The following IQCJ variants were observed in gnomAD, a reference collection of about 807,000 sequenced individuals.
IQCJ encodes IQ domain-containing protein J.
Under a neutral mutation model 11.0 loss-of-function variants are expected in IQCJ, and 9 were observed. The observed-to-expected ratio is 0.82, with a 90% confidence interval of 0.49 to 1.43. The LOEUF is 1.43. IQCJ is among the 40% of genes most tolerant of loss of function. The pLI is 0.00. For synonymous variants in IQCJ, 55 were observed against 51.3 expected (o/e 1.07, Z -0.31); for missense variants, 146 against 133.2 (o/e 1.10, Z -0.47).
At chr3:159,163,539 A>AT (rs1317726703) in intron 1 of IQCJ, among the ~76,000 whole-genome samples, 10 of 152,082 alleles carry the variant, frequency 6.6e-5, no homozygotes, top group Non-Finnish European at 1.0e-4. Context: ...TAATTTTTGT[A>AT]TTTTTAGTAG....
intron 1 of IQCJ, among the ~76,000 whole-genome samples, chr3:159,086,495 A>C (rs1023225083): frequency 6.6e-6 from 1 of 152,174 alleles, no homozygotes; most frequent in African/African-American, 2.4e-5. Flanking sequence ...TGAATGTGTA[A>C]ATTACCTTGG....
chr3:159,107,615 T>A (rs1421436560), intron 1 of IQCJ, among the ~76,000 whole-genome samples: 1 of 152,186 alleles, frequency 6.6e-6, no homozygotes, highest in Admixed American at 6.5e-5. Context: ...ATACTATTAA[T>A]AATAATTTAT....
intron 1 of IQCJ, among the ~76,000 whole-genome samples, chr3:159,238,786 G>A (rs1484392080): frequency 6.6e-6 from 1 of 152,148 alleles, no homozygotes; most frequent in Non-Finnish European, 1.5e-5. Context: ...TGTCCAGTGG[G>A]CACGTGAGTT....
chr3:159,224,740 C>T (rs1052298189), intron 1 of IQCJ, among the ~76,000 whole-genome samples: 1 of 83,516 alleles, frequency 1.2e-5, no homozygotes, highest in South Asian at 3.7e-4. Flanking sequence ...TGAGCATACA[C>T]TCAGTAAAAT....
chr3:159,242,905 A>G (rs971469920), intron 1 of IQCJ, among the ~76,000 whole-genome samples: 6 of 152,196 alleles, frequency 3.9e-5, no homozygotes, highest in Non-Finnish European at 5.9e-5. Context: ...CAACACATAC[A>G]TCTGACAAAA....
chr3:159,092,560 T>C (rs1008443256), intron 1 of IQCJ, among the ~76,000 whole-genome samples: 2 of 151,558 alleles, frequency 1.3e-5, no homozygotes, highest in African/African-American at 4.9e-5. Context: ...TAGCCAGGCG[T>C]GGTGACAGGC....
intron 1 of IQCJ, among the ~76,000 whole-genome samples, chr3:159,073,291 G>A (rs1487193100): frequency 6.6e-6 from 1 of 152,086 alleles, no homozygotes. Flanking sequence ...TGCACTTCTT[G>A]CAGCTGAATA....
At chr3:159,084,249 T>TAA (rs3029980) in intron 1 of IQCJ, among the ~76,000 whole-genome samples, 55,149 of 149,496 alleles carry the variant, frequency 0.37, 10,812 homozygotes, top group Non-Finnish European at 0.46. Context: ...TAAAAATAAG[T>TAA]AAAAAAAAAA....
At chr3:159,265,906 G>T (rs1413567503), downstream of IQCJ, 2 of 152,954 alleles carry the variant, frequency 1.3e-5, no homozygotes, top group Non-Finnish European at 2.9e-5. Context: ...CCTGTGTGGA[G>T]CTGATAATGA....
intron 1 of IQCJ, among the ~76,000 whole-genome samples, chr3:159,238,050 G>A (rs1041603393): frequency 6.6e-6 from 1 of 152,130 alleles, no homozygotes; most frequent in Non-Finnish European, 1.5e-5. Context: ...AGCATCTGGG[G>A]TTATCAATAG....
chr3:159,080,283 G>A (rs752497964), intron 1 of IQCJ, among the ~76,000 whole-genome samples: 13 of 152,034 alleles, frequency 8.6e-5, no homozygotes, highest in Non-Finnish European at 1.2e-4. Flanking sequence ...ACACTTCCCT[G>A]GAACCCATTA....
intron 1 of IQCJ, among the ~76,000 whole-genome samples, chr3:159,210,340 G>A (rs924025269): frequency 2.0e-5 from 3 of 152,192 alleles, no homozygotes; most frequent in African/African-American, 7.2e-5. Context: ...CTACTGCTGA[G>A]TTTTAATACT....
intron 1 of IQCJ, among the ~76,000 whole-genome samples, chr3:159,128,266 C>T (rs920382047): frequency 3.3e-5 from 5 of 152,042 alleles, no homozygotes; most frequent in East Asian, 1.9e-4. Flanking sequence ...ATTTCAAGTA[C>T]GTTCTAGGGC....
In IQCJ at chr3:159,262,922, G is replaced by A; in HGVS notation, c.*191G>A. On this transcript the variant is annotated 3_prime_UTR_variant, in exon 4 of 4. Coordinates refer to ENST00000397832, the MANE Select transcript of IQCJ (RefSeq NM_001042706.3). The stretch of plus-strand genomic sequence containing the variant: ...TGGAGAAAATAGATTGCATTTATGT[G>A]TTCTCATTTCTCTATTATGGAGGTA... The A allele has an allele frequency of 1.5e-6, 2 of 1,351,962 alleles. No homozygotes were observed. Among genetic ancestry groups the A allele is most frequent in the South Asian group, 2.2e-5 (1 of 46,432 alleles). 83.7% of individuals were successfully genotyped at this position (1,351,962 alleles called of 1,614,324 possible).
chr3:159,251,649 C>G (rs1247263546), intron 2 of IQCJ, among the ~76,000 whole-genome samples: 1 of 151,914 alleles, frequency 6.6e-6, no homozygotes, highest in Non-Finnish European at 1.5e-5. Context: ...CCTACCTTAC[C>G]ACATGCACAA....
At chr3:159,250,952 T>C (rs1727561203) in intron 2 of IQCJ, among the ~76,000 whole-genome samples, 1 of 152,248 alleles carries the variant, frequency 6.6e-6, no homozygotes, top group Admixed American at 6.5e-5. Flanking sequence ...TCTAGTGTTT[T>C]CACCATTTTA....
At chr3:159,119,708 TA>T in intron 1 of IQCJ, among the ~76,000 whole-genome samples, 1 of 152,324 alleles carries the variant, frequency 6.6e-6, no homozygotes, top group Non-Finnish European at 1.5e-5. Flanking sequence ...GTGTGATTTT[TA>T]AAAAATAAGC....
intron 1 of IQCJ, among the ~76,000 whole-genome samples, chr3:159,157,156 G>A (rs1279875786): frequency 2.0e-5 from 3 of 152,158 alleles, no homozygotes; most frequent in Non-Finnish European, 4.4e-5. Context: ...TGGAGAGGAG[G>A]AGGAGACTGA....
intron 1 of IQCJ, among the ~76,000 whole-genome samples, chr3:159,139,149 T>C (rs1334312850): frequency 6.6e-6 from 1 of 152,196 alleles, no homozygotes; most frequent in Non-Finnish European, 1.5e-5. Context: ...GGACCATTTT[T>C]TTTTTCTTTC....
Sources: gnomAD v4.1 joint callset for allele counts (sites outside exome capture counted in the v4.1 genomes callset) on GRCh38, gnomAD v4.1.1 for gene constraint, MANE v1.5 for transcripts, NCBI Gene and HGNC (gene_info 2026-07-23, HGNC 2026-07-21) for gene names.